Variants in ADRA1A observed in about 807,000 individuals in gnomAD.
ADRA1A encodes the protein alpha-1A adrenergic receptor.
In ADRA1A, 31 loss-of-function variants were observed where a neutral mutation model predicts 29.6. The ratio of observed to expected loss-of-function variants is 1.05; its 90% confidence interval spans 0.79 to 1.41. The LOEUF (loss-of-function observed/expected upper bound fraction) is 1.41, where lower values mean the gene tolerates loss of function less well. Among genes scored for constraint, ADRA1A ranks in the 40% most tolerant of loss-of-function variants. The pLI, the probability that ADRA1A is intolerant of heterozygous loss-of-function variation, is 0.00. For missense variants in ADRA1A, 619 were observed against 601.1 expected, an observed-to-expected ratio of 1.03 and a Z score of -0.31; for synonymous variants, 311 against 254.3, an observed-to-expected ratio of 1.22 and a Z score of -2.12.
chr8:26,757,857 A>T (rs1805275537), intron 2 of ADRA1A, among the ~76,000 whole-genome samples: 4 of 109,818 alleles, frequency 3.6e-5, no homozygotes, highest in Admixed American at 3.5e-4. Flanking sequence ...ATATAAGCAC[A>T]CGCACACACA....
At chr8:26,754,726 C>G (rs989853645), downstream of ADRA1A, among the ~76,000 whole-genome samples, 3 of 152,116 alleles carry the variant, frequency 2.0e-5, no homozygotes, top group Admixed American at 6.6e-5. Flanking sequence ...CAAAATGAAC[C>G]TCCAGATTTG....
At chr8:26,776,980 G>T (rs780908939) in intron 2 of ADRA1A, among the ~76,000 whole-genome samples, 3 of 152,162 alleles carry the variant, frequency 2.0e-5, no homozygotes, top group Non-Finnish European at 4.4e-5. Context: ...AGGCCAAGGA[G>T]CTCCAGTGCC....
chr8:26,840,966 T>A (rs1482416294), intron 2 of ADRA1A, among the ~76,000 whole-genome samples: 1 of 152,160 alleles, frequency 6.6e-6, no homozygotes, highest in African/African-American at 2.4e-5. Flanking sequence ...ATAGCAGGAA[T>A]AGGCTGGTTG....
chr8:26,859,342 C>T lies in ADRA1A; in HGVS notation c.883+4745G>A, dbSNP rs116773345. ...AGAAGTAGTGCCATCTTCTTTAAGT[C>T]TCTGCTCTGTCAATGGTCATGCATG... On this transcript the variant is annotated intron_variant, in intron 2 of 2. Coordinates refer to ENST00000380573, the MANE Select transcript of ADRA1A (RefSeq NM_000680.4). 7.5e-4 allele frequency: 359 copies of T among 478,968 alleles called. 2 individuals carry two copies. Among genetic ancestry groups the T allele is most frequent in the African/African-American group, 6.8e-3 (335 of 49,232 alleles). The allele number at this position is 478,968 out of a possible 1,614,324, so 29.7% of individuals were successfully genotyped here.
intron 2 of ADRA1A, among the ~76,000 whole-genome samples, chr8:26,842,329 T>G (rs1326100079): frequency 2.0e-5 from 3 of 152,192 alleles, no homozygotes; most frequent in Non-Finnish European, 4.4e-5. Context: ...ATAGTTTCAC[T>G]TAAACACCAT....
At chr8:26,844,755 TAACTATAACTCTTAGGAGA>T (rs934340603) in intron 2 of ADRA1A, among the ~76,000 whole-genome samples, 3 of 152,174 alleles carry the variant, frequency 2.0e-5, no homozygotes, top group African/African-American at 4.8e-5. Flanking sequence ...GACCTAAGTG[TAACTATAACTCTTAGGAGA>T]AACTATAACT....
At position 26,865,259 on chromosome 8, in the gene ADRA1A, A is replaced by C. The variant is rs1813824946; in HGVS notation, c.-290T>G. 2 of 1,260,018 alleles carry C rather than the reference A, an allele frequency of 1.6e-6. No homozygotes were observed. Among genetic ancestry groups the C allele is most frequent in the Non-Finnish European group, 2.0e-6 (2 of 1,001,002 alleles). 78.1% of individuals were successfully genotyped at this position (1,260,018 alleles called of 1,614,324 possible). A position where few individuals can be genotyped will look rare whatever the true frequency, so the allele number is the denominator to read the frequency against. ...CGGGCTGGCCTAGCCCGGGACCCGG[A>C]CTCCCTCCCTACCCGAAGCTGGGTG... is the stretch of plus-strand genomic sequence containing the variant. On this transcript the variant is annotated 5_prime_UTR_variant, in exon 2 of 3. Coordinates refer to ENST00000380573, the MANE Select transcript of ADRA1A (RefSeq NM_000680.4). The surrounding 1 kb of genome is among the most constrained non-coding windows in gnomAD (Gnocchi z 7.6).
intron 2 of ADRA1A, among the ~76,000 whole-genome samples, chr8:26,838,133 A>G (rs1038163477): frequency 5.3e-5 from 8 of 152,236 alleles, no homozygotes; most frequent in Admixed American, 2.0e-4. Flanking sequence ...GATGTTCTAC[A>G]ACATGTTTTC....
At chr8:26,765,958 C>G, downstream of ADRA1A, 8 of 1,102,216 alleles carry the variant, frequency 7.3e-6, no homozygotes, top group Non-Finnish European at 9.1e-6. Flanking sequence ...ATCCAGTTTT[C>G]ACTTAGGAAC....
intron 2 of ADRA1A, among the ~76,000 whole-genome samples, chr8:26,820,188 T>C (rs1468535629): frequency 6.6e-6 from 1 of 152,290 alleles, no homozygotes; most frequent in East Asian, 1.9e-4. Flanking sequence ...GGATAGATCA[T>C]ACAGATGAAA....
downstream of ADRA1A, among the ~76,000 whole-genome samples, chr8:26,763,946 A>G (rs1200918305): frequency 6.6e-6 from 1 of 152,190 alleles, no homozygotes; most frequent in Non-Finnish European, 1.5e-5. This position sits in a 1 kb window ranked among gnomAD's most constrained non-coding sequence, Gnocchi z 4.5. Flanking sequence ...AATATACATT[A>G]AATAGATTTT....
At chr8:26,788,608 C>A (rs777857754) in intron 2 of ADRA1A, among the ~76,000 whole-genome samples, 2 of 152,184 alleles carry the variant, frequency 1.3e-5, no homozygotes, top group Non-Finnish European at 2.9e-5. Flanking sequence ...TGCACCACCT[C>A]ATCTCCTCAT....
chr8:26,758,209 C>T (rs1258971964), intron 2 of ADRA1A, among the ~76,000 whole-genome samples: 2 of 152,126 alleles, frequency 1.3e-5, no homozygotes, highest in South Asian at 2.1e-4. Context: ...GGACCTGAGC[C>T]GCGGTGCAGC....
At chr8:26,773,760 T>C (rs1324672218) in intron 2 of ADRA1A, among the ~76,000 whole-genome samples, 2 of 152,216 alleles carry the variant, frequency 1.3e-5, no homozygotes, top group Non-Finnish European at 2.9e-5. Flanking sequence ...CAACATTTCC[T>C]TTTAGTCACT....
chr8:26,765,665 G>GT (rs1256215445), downstream of ADRA1A, among the ~76,000 whole-genome samples: 1 of 152,184 alleles, frequency 6.6e-6, no homozygotes, highest in Non-Finnish European at 1.5e-5. Context: ...TTTTCACTTG[G>GT]TTTTTCCTTG....
At chr8:26,859,246 C>T in intron 2 of ADRA1A, 1 of 1,198,402 alleles carries the variant, frequency 8.3e-7, no homozygotes, top group Non-Finnish European at 1.1e-6. Context: ...TTCTTCTGCT[C>T]ACATTTTGCA....
Position 26,809,287 on chromosome 8 carries a change from T to C in ADRA1A, c.884-38621A>G, listed in dbSNP as rs1809212294. ...GCCTAGAATATTCTTCCTCTGTCTC[T>C]ATGTGTTACTCTGTTCAGGTACTGA... is the stretch of plus-strand genomic sequence containing the variant. On this transcript the variant is annotated intron_variant, in intron 2 of 2. Transcript: ENST00000380573. 2.0e-5 allele frequency among the ~76,000 whole-genome samples: 3 copies of C among 152,176 alleles called. No individual in the cohort carries two copies. In the South Asian group the frequency reaches 6.2e-4, roughly 32 times the overall value.
exon 3 of ADRA1A, chr8:26,748,739 G>A (rs1394392959): frequency 1.1e-5 from 4 of 370,276 alleles, no homozygotes; most frequent in African/African-American, 7.1e-5. Context: ...GTGACAGAGC[G>A]AGACTTCGTC....
At chr8:26,749,017 A>C (rs189544874) in intron 2 of ADRA1A, among the ~76,000 whole-genome samples, 1 of 152,310 alleles carries the variant, frequency 6.6e-6, no homozygotes, top group East Asian at 1.9e-4. Flanking sequence ...ATAAGTAAAT[A>C]AGGAATTTGT....
Sources: allele counts gnomAD v4.1 joint callset (sites outside exome capture counted in the v4.1 genomes callset), GRCh38; gene constraint gnomAD v4.1.1; non-coding constraint Gnocchi (gnomAD v3.1); transcripts MANE v1.5; gene names NCBI Gene and HGNC (gene_info 2026-07-23, HGNC 2026-07-21).